Variants in CCDC33 observed in about 807,000 individuals in gnomAD.
The protein encoded by CCDC33 is coiled-coil domain containing 33, also known as coiled-coil domain-containing protein 33.
CCDC33 carries 94 observed loss-of-function variants against 91.9 expected under a neutral mutation model. That is an observed-to-expected ratio of 1.02 (90% CI 0.87 to 1.21). The LOEUF (loss-of-function observed/expected upper bound fraction) is 1.21. CCDC33 is among the 50% of genes most tolerant of loss of function. The probability of loss-of-function intolerance (pLI) is 0.00; values close to 1 mark genes in which losing one functional copy is unlikely to be tolerated. For synonymous variants in CCDC33, 396 were observed against 374.5 expected (o/e 1.06, Z -0.66); for missense variants, 940 against 935.5 (o/e 1.00, Z -0.06).
chr15:74,249,055 T>A (rs1177871126), intron 2 of CCDC33, among the ~76,000 whole-genome samples: 1 of 152,152 alleles, frequency 6.6e-6, no homozygotes, highest in Non-Finnish European at 1.5e-5. Flanking sequence ...AACGCCTGCT[T>A]GTCGGCAGCC....
intron 11 of CCDC33, among the ~76,000 whole-genome samples, chr15:74,320,314 C>T (rs2060180181): frequency 2.0e-5 from 3 of 152,268 alleles, no homozygotes; most frequent in Non-Finnish European, 2.9e-5. Flanking sequence ...CTCAGTGTTC[C>T]CCACCTCTGA....
chr15:74,249,246 G>A (rs1831897812), intron 2 of CCDC33, among the ~76,000 whole-genome samples: 1 of 152,130 alleles, frequency 6.6e-6, no homozygotes, highest in African/African-American at 2.4e-5. Flanking sequence ...CAGCACTTTG[G>A]GAGGCCGAGG....
At chr15:74,330,820 TGGGAGGAGAA>T (rs1944289607) in intron 13 of CCDC33, 69 bp downstream of exon 13, 20 of 1,533,468 alleles carry the variant, frequency 1.3e-5, no homozygotes, top group Non-Finnish European at 1.8e-5. Flanking sequence ...GAGAAGAGTC[TGGGAGGAGAA>T]GGGAGAACAG....
chr15:74,290,876 G>C (rs905779591), intron 10 of CCDC33, among the ~76,000 whole-genome samples: 1 of 152,122 alleles, frequency 6.6e-6, no homozygotes, highest in African/African-American at 2.4e-5. Context: ...TGAGAATAGG[G>C]GAAACCCAAG....
At chr15:74,282,430 C>A (rs935045081) in intron 10 of CCDC33, among the ~76,000 whole-genome samples, 1 of 152,308 alleles carries the variant, frequency 6.6e-6, no homozygotes, top group South Asian at 2.1e-4. Context: ...CTCACAATGG[C>A]CCCGTTCATC....
intron 1 of CCDC33, among the ~76,000 whole-genome samples, chr15:74,205,329 G>A (rs1262325668): frequency 6.6e-6 from 1 of 152,204 alleles, no homozygotes; most frequent in African/African-American, 2.4e-5. Context: ...TGTGCAGGAA[G>A]CAGCACGGCA....
intron 2 of CCDC33, among the ~76,000 whole-genome samples, chr15:74,219,164 C>T (rs1291119207): frequency 5.9e-5 from 9 of 152,348 alleles, no homozygotes; most frequent in South Asian, 2.1e-4. Flanking sequence ...TCGTTCTCAC[C>T]AGTTTTTGTG....
chr15:74,209,233 ACCGTTTGCTCGAAACTTGATCT>A, intron 1 of CCDC33: 3 of 1,120,516 alleles, frequency 2.7e-6, no homozygotes, highest in Non-Finnish European at 3.8e-6. Context: ...ACACCCCCAA[ACCGTTTGCTCGAAACTTGATCT>A]CCTTGGCCCT....
rs747811656 is a variant in CCDC33, at chr15:74,268,489, G to GC, written c.546+31_546+32insC. 1.3e-5 allele frequency: 19 copies of GC among 1,456,736 alleles called. 2 individuals are homozygous for GC. The highest frequency in any genetic ancestry group is 2.9e-5 in the African/African-American group (2 of 69,844). The allele number at this position is 1,456,736 out of a possible 1,614,324, so 90.2% of individuals were successfully genotyped here. On this transcript the variant is annotated intron_variant, in intron 5 of 18. Transcript: ENST00000398814. Reference sequence around the variant, plus strand: ...AGGGCTGGGGCCCTCTGGGGTGGTGGTGGGGGTGGGAAAGGGCCAAGCTTT... The same window carrying GC: ...AGGGCTGGGGCCCTCTGGGGTGGTGGCTGGGGGTGGGAAAGGGCCAAGCTTT...
chr15:74,296,018 A>G (rs2059679620), intron 11 of CCDC33, 70 bp downstream of exon 11: 1 of 1,371,804 alleles, frequency 7.3e-7, no homozygotes, highest in Non-Finnish European at 1.0e-6. Flanking sequence ...CTTGACTGCC[A>G]TCTGCAGGAC....
intron 11 of CCDC33, among the ~76,000 whole-genome samples, chr15:74,329,893 C>A (rs770064278): frequency 3.2e-4 from 49 of 152,314 alleles, no homozygotes; most frequent in South Asian, 6.2e-4. Flanking sequence ...TCTCCATTGC[C>A]CATAGGCCTC....
intron 2 of CCDC33, among the ~76,000 whole-genome samples, chr15:74,223,517 A>G (rs902151516): frequency 1.3e-5 from 2 of 151,942 alleles, no homozygotes; most frequent in African/African-American, 2.4e-5. Context: ...TGTTCCCTCA[A>G]TTACCCTGGA....
chr15:74,280,841 C>A, intron 9 of CCDC33, 40 bp downstream of exon 9: 4 of 1,413,286 alleles, frequency 2.8e-6, no homozygotes, highest in Non-Finnish European at 3.7e-6. Context: ...AGCGTGCCCA[C>A]CTGGCCCCAC....
chr15:74,211,112 A>C (rs2074361066), intron 2 of CCDC33, among the ~76,000 whole-genome samples: 1 of 144,262 alleles, frequency 6.9e-6, no homozygotes, highest in Non-Finnish European at 1.5e-5. Context: ...ACCTAGGGGA[A>C]GTTTTGCCAG....
At chr15:74,293,456 T>G (rs1412299127) in intron 10 of CCDC33, among the ~76,000 whole-genome samples, 2 of 152,248 alleles carry the variant, frequency 1.3e-5, no homozygotes, top group Non-Finnish European at 1.5e-5. Context: ...ATATGCATTT[T>G]GTAGCTCTTC....
intron 5 of CCDC33, 29 bp from the exon 6 acceptor site, chr15:74,271,674 T>A (rs2076320678): frequency 6.3e-7 from 1 of 1,581,166 alleles, no homozygotes; most frequent in South Asian, 1.1e-5. Flanking sequence ...CACATGGTGT[T>A]CACCTGCCTC....
In CCDC33 at chr15:74,267,119, G is replaced by A. The variant is rs533866677; in HGVS notation, c.429+332G>A. Among the ~76,000 whole-genome samples, 7 of 152,304 alleles carry A rather than the reference G, an allele frequency of 4.6e-5. No homozygotes were observed. The East Asian group carries it at 1.2e-3, about 25-fold the overall frequency. The stretch of plus-strand genomic sequence containing the variant: ...AAATCAAAGAAACACAATATTTACC[G>A]AGTACCCGCTGCTTGCACGCCCTGT... On this transcript the variant is annotated intron_variant, in intron 4 of 18. Coordinates refer to ENST00000398814, the MANE Select transcript of CCDC33 (RefSeq NM_025055.5).
At chr15:74,222,990 C>T (rs560483531) in intron 2 of CCDC33, among the ~76,000 whole-genome samples, 1 of 152,006 alleles carries the variant, frequency 6.6e-6, no homozygotes, top group Admixed American at 6.5e-5. Flanking sequence ...TTCTATTGCC[C>T]TGGAGACTGG....
At chr15:74,333,736 T>C (rs1190850568) in intron 16 of CCDC33, 145 bp from the exon 17 acceptor site, 18 of 600,424 alleles carry the variant, frequency 3.0e-5, no homozygotes, top group Non-Finnish European at 5.3e-5. Context: ...AGAAGAGGGT[T>C]CGGCCCAGGT....
Sources: gnomAD v4.1 joint callset for allele counts (sites outside exome capture counted in the v4.1 genomes callset) on GRCh38, gnomAD v4.1.1 for gene constraint, MANE v1.5 for transcripts, NCBI Gene and HGNC (gene_info 2026-07-23, HGNC 2026-07-21) for gene names.